Variants in SNTB1 observed in about 807,000 individuals in gnomAD.
SNTB1 encodes the protein beta-1-syntrophin.
Under a neutral mutation model 48.9 loss-of-function variants are expected in SNTB1, and 36 were observed. That is an observed-to-expected ratio of 0.74 (90% CI 0.56 to 0.97). The LOEUF is 0.97. Among genes scored for constraint, SNTB1 ranks in the 50% least tolerant of loss-of-function variants. SNTB1 has a pLI of 0.00. For synonymous variants in SNTB1, 299 were observed against 294.6 expected (o/e 1.01, Z -0.15); for missense variants, 786 against 703.4 (o/e 1.12, Z -1.33).
chr8:120,603,406 A>G (rs1318538011), intron 3 of SNTB1, among the ~76,000 whole-genome samples: 2 of 152,152 alleles, frequency 1.3e-5, no homozygotes, highest in Non-Finnish European at 2.9e-5. Context: ...CAGCTACCCT[A>G]GATTTTTAGT....
intron 3 of SNTB1, among the ~76,000 whole-genome samples, chr8:120,632,110 A>G (rs911461816): frequency 6.6e-6 from 1 of 152,214 alleles, no homozygotes; most frequent in Non-Finnish European, 1.5e-5. Flanking sequence ...CTCCCAAAGC[A>G]AGAGCTCTGT....
chr8:120,554,621 T>G (rs1371906629), intron 4 of SNTB1, among the ~76,000 whole-genome samples: 1 of 152,220 alleles, frequency 6.6e-6, no homozygotes, highest in African/African-American at 2.4e-5. Flanking sequence ...TTACTTGTTT[T>G]TATTCACCTT....
At chr8:120,582,371 A>G (rs1816062107) in intron 3 of SNTB1, among the ~76,000 whole-genome samples, 1 of 152,162 alleles carries the variant, frequency 6.6e-6, no homozygotes, top group African/African-American at 2.4e-5. Context: ...ACCTTAACAA[A>G]CTAGAAATAG....
chr8:120,541,806 T>A lies in SNTB1; in HGVS notation c.1524+4A>T. 1 of 1,605,498 alleles carries A rather than the reference T, an allele frequency of 6.2e-7. No individual in the cohort carries two copies. Among genetic ancestry groups the A allele is most frequent in the Non-Finnish European group, 8.5e-7 (1 of 1,174,696 alleles). ...TCACACTGTCTAAAGAAAAGTACAC[T>A]TACAATCTCTCCATCTTTGCCTCCA... On this transcript the variant is annotated splice_donor_region_variant and intron_variant, in intron 6 of 6. Transcript: ENST00000517992.
At chr8:120,802,112 A>G (rs572870347) in intron 1 of SNTB1, among the ~76,000 whole-genome samples, 1 of 152,280 alleles carries the variant, frequency 6.6e-6, no homozygotes, top group Non-Finnish European at 1.5e-5. Context: ...CTGGGATTTC[A>G]CGAAGCACAG....
In SNTB1 at chr8:120,551,209, C is replaced by T. The variant is rs573554611; in HGVS notation, c.1137-2251G>A. ...GGCGGAGGTTGCAGTGAGCCAAGAT[C>T]GTGCCACTGCACTCCAGACTGGGTG... On this transcript the variant is annotated intron_variant, in intron 4 of 6. Coordinates refer to ENST00000517992, the MANE Select transcript of SNTB1 (RefSeq NM_021021.4). Among the ~76,000 whole-genome samples, 4 of 146,896 alleles carry T rather than the reference C, an allele frequency of 2.7e-5. No homozygotes were observed. The East Asian group carries it at 6.1e-4, about 22-fold the overall frequency.
At chr8:120,652,838 G>A (rs1817431061) in intron 2 of SNTB1, among the ~76,000 whole-genome samples, 1 of 152,090 alleles carries the variant, frequency 6.6e-6, no homozygotes, top group South Asian at 2.1e-4. Context: ...GTAAATGGGG[G>A]AAAAAACTAC....
chr8:120,729,251 T>A (rs931192332), intron 1 of SNTB1, among the ~76,000 whole-genome samples: 2 of 152,226 alleles, frequency 1.3e-5, no homozygotes, highest in African/African-American at 4.8e-5. Context: ...CTCAAAGTGC[T>A]GGGATTACAG....
At chr8:120,676,924 G>T (rs1817846580) in intron 2 of SNTB1, among the ~76,000 whole-genome samples, 1 of 151,946 alleles carries the variant, frequency 6.6e-6, no homozygotes, top group African/African-American at 2.4e-5. Flanking sequence ...GCTGGGCATG[G>T]TGGGTTTTGT....
intron 2 of SNTB1, among the ~76,000 whole-genome samples, chr8:120,644,272 A>T (rs372092476): frequency 1.1e-4 from 16 of 148,460 alleles, no homozygotes; most frequent in African/African-American, 3.2e-4. Flanking sequence ...CTAACTCGTC[A>T]TCTAGCATTA....
chr8:120,562,861 C>A (rs1463109907), intron 4 of SNTB1, among the ~76,000 whole-genome samples: 1 of 151,516 alleles, frequency 6.6e-6, no homozygotes, highest in Non-Finnish European at 1.5e-5. Context: ...TCACAATAAC[C>A]CTTGCTACCG....
chr8:120,799,148 G>A (rs1310730207), intron 1 of SNTB1, among the ~76,000 whole-genome samples: 4 of 151,898 alleles, frequency 2.6e-5, no homozygotes, highest in African/African-American at 9.7e-5. Flanking sequence ...CTAACAGTAC[G>A]GCCTTTATTG....
chr8:120,803,031 A>C lies in SNTB1; in HGVS notation c.571+8242T>G, dbSNP rs981415415. Among the ~76,000 whole-genome samples, 3 of 151,964 alleles carry C rather than the reference A, an allele frequency of 2.0e-5. No individual in the cohort carries two copies. In the East Asian group the frequency reaches 5.8e-4, roughly 29 times the overall value. ...AAAAACAAAAAACAACAAAAAAAAA[A>C]CTGTGACAGGAAGAAACAATGGCAG... On this transcript the variant is annotated intron_variant, in intron 1 of 6. Transcript: ENST00000517992.
chr8:120,745,921 A>G (rs1382419710), intron 1 of SNTB1, among the ~76,000 whole-genome samples: 1 of 152,144 alleles, frequency 6.6e-6, no homozygotes, highest in East Asian at 1.9e-4. Context: ...TTTGGTCTGA[A>G]TCTAATCCTT....
chr8:120,695,953 T>C (rs1410094831), intron 1 of SNTB1, among the ~76,000 whole-genome samples: 1 of 152,234 alleles, frequency 6.6e-6, no homozygotes, highest in Non-Finnish European at 1.5e-5. Context: ...TATTTATTTC[T>C]GGGCAAAATA....
chr8:120,672,533 G>T (rs1412787060), intron 2 of SNTB1, among the ~76,000 whole-genome samples: 1 of 152,172 alleles, frequency 6.6e-6, no homozygotes, highest in East Asian at 1.9e-4. Flanking sequence ...TAAAACCTCT[G>T]CAAGATGGCA....
intron 1 of SNTB1, chr8:120,775,481 A>C (rs1819715953): frequency 6.6e-6 from 1 of 152,168 alleles, no homozygotes; most frequent in South Asian, 2.1e-4. Context: ...GCCAACCTCC[A>C]TTGCTGGTAG....
intron 3 of SNTB1, among the ~76,000 whole-genome samples, chr8:120,579,699 CAAACA>C (rs1382707859): frequency 2.1e-5 from 2 of 96,950 alleles, no homozygotes; most frequent in African/African-American, 3.9e-5. Context: ...AGAAAACAAA[CAAACA>C]AACAAACAAA....
At chr8:120,653,471 C>T (rs1048432695) in intron 2 of SNTB1, among the ~76,000 whole-genome samples, 1 of 152,108 alleles carries the variant, frequency 6.6e-6, no homozygotes, top group Non-Finnish European at 1.5e-5. Flanking sequence ...GAAACCAACC[C>T]TGCTGACATT....
Sources: allele counts gnomAD v4.1 joint callset (sites outside exome capture counted in the v4.1 genomes callset), GRCh38; gene constraint gnomAD v4.1.1; transcripts MANE v1.5; gene names NCBI Gene and HGNC (gene_info 2026-07-23, HGNC 2026-07-21).